PIK3R6: variants seen among roughly 807,000 people sequenced by gnomAD.
PIK3R6 encodes the protein phosphoinositide 3-kinase regulatory subunit 6.
In PIK3R6, 91 loss-of-function variants were observed where a neutral mutation model predicts 84.9. The observed-to-expected ratio is 1.07, with a 90% CI of 0.90 to 1.28. The LOEUF (loss-of-function observed/expected upper bound fraction) is 1.28, where lower values mean the gene tolerates loss of function less well. PIK3R6 is among the 50% of genes most tolerant of loss of function. The pLI, the probability that PIK3R6 is intolerant of heterozygous loss-of-function variation, is 0.00. For synonymous variants in PIK3R6, 416 were observed against 411.4 expected (o/e 1.01, Z -0.13); for missense variants, 996 against 985.1 (o/e 1.01, Z -0.15).
rs562721798 is a variant in PIK3R6 at position 8,829,375 on chromosome 17, TAC to T, written c.889+329_889+330del. On this transcript the variant is annotated intron_variant, in intron 10 of 19. Coordinates refer to ENST00000619866, the MANE Select transcript of PIK3R6 (RefSeq NM_001010855.4). ...ACACTGACACACACACATGCATGGA[TAC>T]ACACACTGACACACACGCATGCACA... 3.2e-4 allele frequency among the ~76,000 whole-genome samples: 43 copies of T among 135,074 alleles called. No individual in the cohort carries two copies. In the East Asian group the frequency reaches 5.6e-3, roughly 18 times the overall value. The allele number at this position is 135,074 out of a possible 152,430, so 88.6% of individuals were successfully genotyped here. A position where few individuals can be genotyped will look rare whatever the true frequency, so the allele number is the denominator to read the frequency against.
rs2088486903 is a variant in PIK3R6 at position 8,836,894 on chromosome 17, C to T, written c.288G>A (p.Gln96=). ...ACCTTGTGCAAAAGGCATAGATTCT[C>T]TGGTAGAGCTCTTCTGTGATTCCTG... ...KATGITEELY[Q]RIYAFCTRLL... The change falls in exon 6 of 20, where the codon CAG becomes CAA. Residue 96 remains glutamine, a synonymous_variant. Transcript: ENST00000619866. 1 of 1,533,466 alleles carries T rather than the reference C, an allele frequency of 6.5e-7. No individual in the cohort carries two copies. Among genetic ancestry groups the T allele is most frequent in the Non-Finnish European group, 8.8e-7 (1 of 1,135,592 alleles). 95.0% of individuals were successfully genotyped at this position (1,533,466 alleles called of 1,614,324 possible).
chr17:8,826,969 T>C (rs1418401418), intron 13 of PIK3R6, among the ~76,000 whole-genome samples: 1 of 152,158 alleles, frequency 6.6e-6, no homozygotes, highest in Non-Finnish European at 1.5e-5. Context: ...AGCCACTATC[T>C]GGTTAGGGCC....
chr17:8,833,370 C>T (rs986223078), intron 8 of PIK3R6, among the ~76,000 whole-genome samples: 2 of 152,194 alleles, frequency 1.3e-5, no homozygotes, highest in African/African-American at 4.8e-5. Context: ...TGTTCTAGCC[C>T]CCACTAGATT....
chr17:8,803,244 T>C lies in PIK3R6; in HGVS notation c.*29A>G. 6.2e-7 allele frequency: 1 copy of C among 1,611,244 alleles called. No homozygotes were observed. The highest frequency in any genetic ancestry group is 2.2e-5 in the East Asian group (1 of 44,840). On this transcript the variant is annotated 3_prime_UTR_variant, in exon 20 of 20. Coordinates refer to ENST00000619866, the MANE Select transcript of PIK3R6 (RefSeq NM_001010855.4). The surrounding 1 kb of genome is among the most constrained non-coding windows in gnomAD (Gnocchi z 5.0). ...TTGGAGTTGGTGGGGTAGTGTATCC[T>C]TCCTCCTGGGCCTGCTGTCCCTGCA...
chr17:8,836,603 T>A lies in PIK3R6; in HGVS notation c.405A>T (p.Gln135His). The stretch of plus-strand genomic sequence containing the variant: ...AGTTCTGTTCGGCAATGACCATCCT[T>A]TGGTACAGTGTCCCTGCAAACCAGA... ...TEMAVPGTLY[Q>H]RMVIAEQNLT... Residue 135 changes from glutamine to histidine, a missense_variant, in exon 7 of 20, where the codon CAA (glutamine) becomes CAT (histidine). Transcript: ENST00000619866. 6.2e-7 allele frequency: 1 copy of A among 1,613,940 alleles called. No homozygotes were observed. The highest frequency in any genetic ancestry group is 8.5e-7 in the Non-Finnish European group (1 of 1,179,888).
intron 1 of PIK3R6, among the ~76,000 whole-genome samples, chr17:8,863,042 C>T (rs2089318389): frequency 6.6e-6 from 1 of 152,150 alleles, no homozygotes; most frequent in South Asian, 2.1e-4. Context: ...AAAGTTTGCA[C>T]TCTAGTGGGT....
chr17:8,829,055 G>C (rs1423844855), intron 10 of PIK3R6, 65 bp from the exon 11 acceptor site: 1 of 1,413,236 alleles, frequency 7.1e-7, no homozygotes, highest in Non-Finnish European at 9.4e-7. Flanking sequence ...TCTGATTTCA[G>C]CCAGTCCTCT....
At chr17:8,829,132 GACTC>G (rs994666066) in intron 10 of PIK3R6, 142 bp from the exon 11 acceptor site, 8 of 796,550 alleles carry the variant, frequency 1.0e-5, no homozygotes, top group South Asian at 4.5e-5. Context: ...CATGCACAGA[GACTC>G]ACACACAGAG....
At chr17:8,817,471 G>A (rs926192049) in intron 18 of PIK3R6, among the ~76,000 whole-genome samples, 6 of 151,972 alleles carry the variant, frequency 3.9e-5, no homozygotes, top group African/African-American at 9.7e-5. Context: ...GTGAAACCCC[G>A]TATCTACTAA....
rs2087098692 is a variant in PIK3R6, at chr17:8,803,378, C to T, written c.2160G>A (p.Lys720=). The T allele has an allele frequency of 1.9e-6, 3 of 1,613,626 alleles. No homozygotes were observed. In the South Asian group the frequency reaches 3.3e-5, roughly 18 times the overall value. ...PEPCSGAQKS[K]APWLNLHGQQ... Reference sequence around the variant, plus strand: ...GCCCATGCAAATTGAGCCACGGTGCCTTGGACTTCTGGGCCCCAGAACATG... The same window carrying T: ...GCCCATGCAAATTGAGCCACGGTGCTTTGGACTTCTGGGCCCCAGAACATG... Residue 720 remains lysine, a synonymous_variant, in exon 20 of 20, where the codon AAG becomes AAA. Coordinates refer to ENST00000619866, the MANE Select transcript of PIK3R6 (RefSeq NM_001010855.4). The surrounding 1 kb of genome is among the most constrained non-coding windows in gnomAD (Gnocchi z 5.0).
chr17:8,808,020 G>C (rs1207546641), intron 18 of PIK3R6, among the ~76,000 whole-genome samples: 2 of 152,136 alleles, frequency 1.3e-5, no homozygotes, highest in Non-Finnish European at 1.5e-5. Flanking sequence ...GGCCAACCAA[G>C]CTGGACCAGA....
At position 8,842,880 on chromosome 17, in the gene PIK3R6, T is replaced by C. The variant is rs983165087; in HGVS notation, c.14-3183A>G. 6.6e-6 allele frequency among the ~76,000 whole-genome samples: 1 copy of C among 152,230 alleles called. No individual in the cohort carries two copies. The highest frequency in any genetic ancestry group is 6.5e-5 in the Admixed American group (1 of 15,284). Reference sequence around the variant, plus strand: ...CCTTTGGAAGTAAGTAGAATAGAGATAACAAATTTAAAAATCAGCAGATTG... The same window carrying C: ...CCTTTGGAAGTAAGTAGAATAGAGACAACAAATTTAAAAATCAGCAGATTG... On this transcript the variant is annotated intron_variant, in intron 2 of 19. Coordinates refer to ENST00000619866, the MANE Select transcript of PIK3R6 (RefSeq NM_001010855.4). The surrounding 1 kb of genome is among the most constrained non-coding windows in gnomAD (Gnocchi z 4.5).
At position 8,839,296 on chromosome 17, in the gene PIK3R6, C is replaced by T. The variant is rs1205499741; in HGVS notation, c.97+318G>A. On this transcript the variant is annotated intron_variant, in intron 3 of 19. Transcript: ENST00000619866. The surrounding 1 kb of genome is among the most constrained non-coding windows in gnomAD (Gnocchi z 4.2). The stretch of plus-strand genomic sequence containing the variant: ...CAGGGAGGCAGAGGTTGTGGTGAGC[C>T]GAGTTTGCACCACTGCACTGCAGCC... 6.6e-6 allele frequency among the ~76,000 whole-genome samples: 1 copy of T among 151,822 alleles called. No homozygotes were observed. The highest frequency in any genetic ancestry group is 2.4e-5 in the African/African-American group (1 of 41,274).
At chr17:8,837,762 G>GGTCACCA in intron 5 of PIK3R6, 41 bp downstream of exon 5, 1 of 1,539,836 alleles carries the variant, frequency 6.5e-7, no homozygotes, top group Non-Finnish European at 9.0e-7. Flanking sequence ...CCAGCCACAT[G>GGTCACCA]CAGGTCACCA....
At chr17:8,819,407 T>C (rs2087644934) in intron 17 of PIK3R6, among the ~76,000 whole-genome samples, 2 of 151,982 alleles carry the variant, frequency 1.3e-5, no homozygotes, top group Admixed American at 6.6e-5. Flanking sequence ...TCCACAAGTT[T>C]CTGTATCCTC....
In PIK3R6 at chr17:8,819,179, G is replaced by A. The variant is rs1204827134; in HGVS notation, c.1899C>T (p.Cys633=). The A allele has an allele frequency of 3.7e-6, 6 of 1,608,130 alleles. No homozygotes were observed. Among genetic ancestry groups the A allele is most frequent in the South Asian group, 1.1e-5 (1 of 89,810 alleles). The part of the protein sequence containing the change: ...SDTEVSGSSH[C]PLPAAPVTDH... Reference sequence around the variant, plus strand: ...CTGTGACAGGAGCAGCAGGCAGGGGGCAATGGCTAGACCCTGAAACTGAAT... The same window carrying A: ...CTGTGACAGGAGCAGCAGGCAGGGGACAATGGCTAGACCCTGAAACTGAAT... The change falls in exon 18 of 20, where the codon TGC becomes TGT. Residue 633 remains cysteine, a synonymous_variant. Transcript: ENST00000619866.
At position 8,822,677 on chromosome 17, in the gene PIK3R6, G is replaced by A. The variant is rs747868797; in HGVS notation, c.1718-20C>T. 1 of 1,612,096 alleles carries A rather than the reference G, an allele frequency of 6.2e-7. No homozygotes were observed. The highest frequency in any genetic ancestry group is 8.5e-7 in the Non-Finnish European group (1 of 1,179,034). The stretch of plus-strand genomic sequence containing the variant: ...AGCCATCTGTGGGGAGATGAGAAGA[G>A]GCTTGGGGTGGAGGTTCCCAGGCCT... On this transcript the variant is annotated intron_variant, in intron 15 of 19. Coordinates refer to ENST00000619866, the MANE Select transcript of PIK3R6 (RefSeq NM_001010855.4).
intron 18 of PIK3R6, among the ~76,000 whole-genome samples, chr17:8,814,759 G>T (rs978298685): frequency 2.0e-5 from 3 of 152,120 alleles, no homozygotes; most frequent in Admixed American, 2.0e-4. Flanking sequence ...TTATTTTAAA[G>T]ATTGTATTAG....
At chr17:8,845,864 G>A (rs556856371) in intron 2 of PIK3R6, among the ~76,000 whole-genome samples, 5 of 152,218 alleles carry the variant, frequency 3.3e-5, no homozygotes, top group Admixed American at 6.5e-5. Context: ...TTAAACCTGG[G>A]GGGTGGAGAT....
Sources: allele counts gnomAD v4.1 joint callset (sites outside exome capture counted in the v4.1 genomes callset), GRCh38; gene constraint gnomAD v4.1.1; non-coding constraint Gnocchi (gnomAD v3.1); transcripts MANE v1.5; gene names NCBI Gene and HGNC (gene_info 2026-07-23, HGNC 2026-07-21).